The following RAP1GDS1 variants were observed in gnomAD, a reference collection of about 807,000 sequenced individuals.
RAP1GDS1 encodes the protein Rap1 GTPase-GDP dissociation stimulator 1.
RAP1GDS1 carries 35 observed loss-of-function variants against 71.1 expected under a neutral mutation model. That is an observed-to-expected ratio of 0.49 (90% CI 0.38 to 0.65). The LOEUF is 0.65. Ranked by LOEUF, RAP1GDS1 falls within the 30% of genes least tolerant of loss-of-function variation. The probability of loss-of-function intolerance (pLI) is 0.00; values close to 1 mark genes in which losing one functional copy is unlikely to be tolerated. For missense variants in RAP1GDS1, 663 were observed against 706.1 expected, an observed-to-expected ratio of 0.94 and a Z score of 0.69; for synonymous variants, 229 against 243.1, an observed-to-expected ratio of 0.94 and a Z score of 0.54.
intron 1 of RAP1GDS1, among the ~76,000 whole-genome samples, chr4:98,274,345 A>C (rs1723907927): frequency 6.6e-6 from 1 of 152,178 alleles, no homozygotes; most frequent in South Asian, 2.1e-4. Context: ...ATTTCTGATC[A>C]AAATTTACAG....
At chr4:98,363,616 G>A (rs1739078344) in intron 4 of RAP1GDS1, among the ~76,000 whole-genome samples, 2 of 151,476 alleles carry the variant, frequency 1.3e-5, no homozygotes, top group Admixed American at 1.3e-4. Context: ...TAAAGTTCAA[G>A]AAACAAACAA....
chr4:98,411,573 A>G (rs1343725197), intron 7 of RAP1GDS1, among the ~76,000 whole-genome samples: 1 of 152,248 alleles, frequency 6.6e-6, no homozygotes, highest in Non-Finnish European at 1.5e-5. Flanking sequence ...TTGGCAAAGT[A>G]AAAATTTTAC....
chr4:98,397,458 C>T (rs1178810435), intron 6 of RAP1GDS1, among the ~76,000 whole-genome samples: 1 of 151,930 alleles, frequency 6.6e-6, no homozygotes. Flanking sequence ...CATAGTGAGA[C>T]CTCCCCCCGA....
intron 2 of RAP1GDS1, among the ~76,000 whole-genome samples, chr4:98,299,642 T>G (rs2110293337): frequency 7.0e-6 from 1 of 142,328 alleles, no homozygotes; most frequent in Middle Eastern, 3.6e-3. Context: ...TTTGCTTTGG[T>G]TTTTTTTTTT....
At chr4:98,348,709 G>C (rs1283308636) in intron 3 of RAP1GDS1, among the ~76,000 whole-genome samples, 1 of 152,168 alleles carries the variant, frequency 6.6e-6, no homozygotes, top group Non-Finnish European at 1.5e-5. Flanking sequence ...GCATTTATCT[G>C]ATGGCCAGTG....
chr4:98,378,720 G>A (rs1741541799), intron 4 of RAP1GDS1, among the ~76,000 whole-genome samples: 1 of 151,852 alleles, frequency 6.6e-6, no homozygotes. Context: ...GAAAGAGGGA[G>A]TGAAAGTTTT....
chr4:98,374,431 T>C (rs1373015716), intron 4 of RAP1GDS1, among the ~76,000 whole-genome samples: 3 of 152,214 alleles, frequency 2.0e-5, no homozygotes, highest in African/African-American at 7.2e-5. Flanking sequence ...TGTAACGTAG[T>C]CATTATCGTT....
At chr4:98,345,620 T>C (rs988261271) in intron 3 of RAP1GDS1, among the ~76,000 whole-genome samples, 1 of 152,224 alleles carries the variant, frequency 6.6e-6, no homozygotes, top group Non-Finnish European at 1.5e-5. Flanking sequence ...TATTTAATAA[T>C]AATAGTAATA....
chr4:98,346,281 G>A (rs1033551012), intron 3 of RAP1GDS1, among the ~76,000 whole-genome samples: 5 of 152,250 alleles, frequency 3.3e-5, no homozygotes, highest in African/African-American at 9.6e-5. Flanking sequence ...CAACAAAAGA[G>A]TGAAAATGTA....
intron 2 of RAP1GDS1, among the ~76,000 whole-genome samples, chr4:98,321,339 AAC>A (rs1454815199): frequency 1.3e-5 from 2 of 148,608 alleles, no homozygotes; most frequent in Non-Finnish European, 3.0e-5. Context: ...CAAGTTGGAA[AAC>A]ACTCTGCAGG....
chr4:98,288,366 G>A (rs1009337145), intron 1 of RAP1GDS1, among the ~76,000 whole-genome samples: 20 of 152,008 alleles, frequency 1.3e-4, no homozygotes, highest in African/African-American at 4.1e-4. Context: ...TGAACTCATC[G>A]TTTTTTATGG....
At chr4:98,423,293 A>G (rs1749141278) in intron 12 of RAP1GDS1, among the ~76,000 whole-genome samples, 2 of 152,242 alleles carry the variant, frequency 1.3e-5, no homozygotes, top group Non-Finnish European at 2.9e-5. Flanking sequence ...AGCAGGATGT[A>G]CAAAAGCACA....
chr4:98,300,510 C>G (rs1042596744), intron 2 of RAP1GDS1, among the ~76,000 whole-genome samples: 1 of 151,908 alleles, frequency 6.6e-6, no homozygotes, highest in Non-Finnish European at 1.5e-5. Context: ...AATGATTCTC[C>G]TGCCTCAGCC....
At chr4:98,410,901 G>T (rs536057963) in intron 7 of RAP1GDS1, among the ~76,000 whole-genome samples, 5 of 152,192 alleles carry the variant, frequency 3.3e-5, no homozygotes, top group East Asian at 3.9e-4. Context: ...GAAGGAAGGG[G>T]TTTGTTATCA....
intron 3 of RAP1GDS1, among the ~76,000 whole-genome samples, chr4:98,346,638 G>A (rs879830890): frequency 2.6e-5 from 4 of 151,628 alleles, no homozygotes; most frequent in Non-Finnish European, 5.9e-5. Flanking sequence ...TCCACCTCCC[G>A]GGTTCAAGCA....
At chr4:98,349,786 A>C (rs2110414798) in intron 3 of RAP1GDS1, among the ~76,000 whole-genome samples, 1 of 152,084 alleles carries the variant, frequency 6.6e-6, no homozygotes, top group African/African-American at 2.4e-5. Flanking sequence ...ATTGGTGTAT[A>C]AGAATGCTTA....
intron 1 of RAP1GDS1, among the ~76,000 whole-genome samples, chr4:98,273,808 A>G (rs985033217): frequency 1.3e-5 from 2 of 152,226 alleles, no homozygotes; most frequent in Admixed American, 6.5e-5. Flanking sequence ...ACTTTTCTTG[A>G]TATTTGCTAT....
At chr4:98,290,106 G>A (rs1726713710) in intron 1 of RAP1GDS1, among the ~76,000 whole-genome samples, 1 of 152,062 alleles carries the variant, frequency 6.6e-6, no homozygotes, top group African/African-American at 2.4e-5. Flanking sequence ...TGGTATAATT[G>A]TCCAAAGATA....
At chr4:98,357,227 T>A (rs1010509535) in intron 4 of RAP1GDS1, among the ~76,000 whole-genome samples, 27 of 151,940 alleles carry the variant, frequency 1.8e-4, no homozygotes, top group African/African-American at 6.5e-4. Context: ...TGAGTTATAT[T>A]AGGTATGTTA....
Sources: allele counts gnomAD v4.1 joint callset (sites outside exome capture counted in the v4.1 genomes callset), GRCh38; gene constraint gnomAD v4.1.1; transcripts MANE v1.5; gene names NCBI Gene and HGNC (gene_info 2026-07-23, HGNC 2026-07-21).